Variants in SPG11 observed in about 807,000 individuals in gnomAD.
SPG11 encodes the protein SPG11 vesicle trafficking associated, spatacsin, also known as spatacsin.
A neutral mutation model predicts 274.0 loss-of-function variants in SPG11; 222 were observed. The ratio of observed to expected loss-of-function variants is 0.81; its 90% CI spans 0.73 to 0.91. The LOEUF (loss-of-function observed/expected upper bound fraction) is 0.91. SPG11 is among the 40% of genes least tolerant of loss of function. The pLI is 0.00. For missense variants in SPG11, 3,114 were observed against 2,872.7 expected, an observed-to-expected ratio of 1.08 and a Z score of -1.92; for synonymous variants, 1,144 against 1,039.7, an observed-to-expected ratio of 1.10 and a Z score of -1.93.
intron 8 of SPG11, among the ~76,000 whole-genome samples, chr15:44,630,213 T>C (rs1295667721): frequency 6.6e-6 from 1 of 152,198 alleles, no homozygotes; most frequent in African/African-American, 2.4e-5. Context: ...GTGATTCCTG[T>C]TTGTCTCAGC....
At chr15:44,651,470 T>G (rs1468657544) in intron 6 of SPG11, 21 bp downstream of exon 6, 17 of 1,603,756 alleles carry the variant, frequency 1.1e-5, no homozygotes, top group Non-Finnish European at 1.4e-5. Context: ...TGGATTTCAA[T>G]CTAATACAAG....
chr15:44,659,577 G>A (rs984861021), intron 2 of SPG11, among the ~76,000 whole-genome samples: 1 of 151,978 alleles, frequency 6.6e-6, no homozygotes, highest in African/African-American at 2.4e-5. Flanking sequence ...TTACCCATGG[G>A]ACCCCATAAG....
intron 23 of SPG11, among the ~76,000 whole-genome samples, chr15:44,597,805 G>A (rs1251301703): frequency 3.9e-5 from 6 of 152,110 alleles, no homozygotes; most frequent in Non-Finnish European, 8.8e-5. Context: ...TTTTACATAC[G>A]GTCACTTCAG....
chr15:44,608,854 T>C (rs1356959676), intron 18 of SPG11, among the ~76,000 whole-genome samples: 1 of 152,146 alleles, frequency 6.6e-6, no homozygotes, highest in African/African-American at 2.4e-5. Context: ...GAAGTTCAGC[T>C]AGATCAGTGA....
chr15:44,649,894 C>CA lies in SPG11; in HGVS notation c.1457-884dup, dbSNP rs79848684. On this transcript the variant is annotated intron_variant, in intron 6 of 39. Coordinates refer to ENST00000261866, the MANE Select transcript of SPG11 (RefSeq NM_025137.4). ...GGGAGACAAGAGTGAGACTCCATATCAAAAAAAAAAAAAAGCACTAAACCC... is the reference window on the plus strand; with the variant it reads ...GGGAGACAAGAGTGAGACTCCATATCAAAAAAAAAAAAAAAGCACTAAACCC... 7.5e-3 allele frequency among the ~76,000 whole-genome samples: 904 copies of CA among 119,826 alleles called. 25 individuals carry two copies. The East Asian group carries it at 0.11, about 14-fold the overall frequency. The allele number at this position is 119,826 out of a possible 152,430, so 78.6% of individuals were successfully genotyped here. A position where few individuals can be genotyped will look rare whatever the true frequency, so the allele number is the denominator to read the frequency against.
Position 44,584,475 on chromosome 15 carries a change from A to T in SPG11, c.5205T>A (p.His1735Gln). Residue 1735 changes from histidine (H) to glutamine (Q), a missense_variant, in exon 30 of 40, where the codon CAT (histidine) becomes CAA (glutamine). His to Gln is a conservative substitution (Grantham distance 24, BLOSUM62 0). Transcript: ENST00000261866. ...AAATTGAATTTTTCTTAAAATTCTC[A>T]TGGCATTTTTTCCAGAAGTCAATTC... ...QARIDFWKKC[H>Q]ENFKKNSISS... The T allele has an allele frequency of 1.9e-6, 3 of 1,614,216 alleles. No individual in the cohort carries two copies. Among genetic ancestry groups the T allele is most frequent in the Non-Finnish European group, 2.5e-6 (3 of 1,180,036 alleles).
intron 37 of SPG11, 51 bp from the exon 38 acceptor site, chr15:44,566,060 T>A (rs538179773): frequency 5.6e-6 from 9 of 1,609,646 alleles, no homozygotes; most frequent in Non-Finnish European, 7.6e-6. Context: ...AGTTGTCACC[T>A]CCTGTGTGAA....
rs374899647 is a variant in SPG11 at position 44,621,953 on chromosome 15, A to ATT, written c.2445-21_2445-20dup. On this transcript the variant is annotated intron_variant, in intron 13 of 39. Transcript: ENST00000261866. The stretch of plus-strand genomic sequence containing the variant: ...CCAGTACCTAAAAACAGTGATATAA[A>ATT]TTTTTTTTTTTTTAATTTTGGAGAA... 4.0e-5 allele frequency: 49 copies of ATT among 1,209,948 alleles called. No homozygotes were observed. Among genetic ancestry groups the ATT allele is most frequent in the Admixed American group, 6.6e-5 (3 of 45,728 alleles). The allele number at this position is 1,209,948 out of a possible 1,614,324, so 75.0% of individuals were successfully genotyped here. A position where few individuals can be genotyped will look rare whatever the true frequency, so the allele number is the denominator to read the frequency against.
chr15:44,652,274 T>TAA lies in SPG11; in HGVS notation c.870-10_870-9dup, dbSNP rs2084805782. The TAA allele has an allele frequency of 6.2e-7, 1 of 1,613,792 alleles. No homozygotes were observed. On this transcript the variant is annotated splice_polypyrimidine_tract_variant and intron_variant, in intron 4 of 39. Transcript: ENST00000261866. ...AGGTGTCCTGGGTGTTGCCTACATT[T>TAA]AAAAATAATGATAGACATATGAAAA... is the stretch of plus-strand genomic sequence containing the variant.
At chr15:44,570,825 C>G (rs1019853025) in intron 33 of SPG11, among the ~76,000 whole-genome samples, 167 bp from the exon 34 acceptor site, 1 of 152,354 alleles carries the variant, frequency 6.6e-6, no homozygotes, top group Non-Finnish European at 1.5e-5. Context: ...AGCTTTGAGA[C>G]AGCCCCTTGA....
chr15:44,633,550 C>A lies in SPG11; in HGVS notation c.1690G>T (p.Val564Leu). 1 of 1,610,790 alleles carries A rather than the reference C, an allele frequency of 6.2e-7. No homozygotes were observed. The highest frequency in any genetic ancestry group is 8.5e-7 in the Non-Finnish European group (1 of 1,177,516). Residue 564 changes from valine to leucine, a missense_variant, in exon 8 of 40, where the codon GTA (valine) becomes TTA (leucine). Physicochemically the swap from Val to Leu is conservative, Grantham distance 32 (BLOSUM62 1). Transcript: ENST00000261866. ...GACAAGTGATCAAACTGATCAGATA[C>A]AGAAGATTTTGAGGATGGATTAAAA... ...NLFNPSSKSS[V>L]SDQFDHLSSH...
At chr15:44,571,492 TTTTC>T (rs2082423349) in intron 33 of SPG11, among the ~76,000 whole-genome samples, 1 of 149,266 alleles carries the variant, frequency 6.7e-6, no homozygotes, top group African/African-American at 2.5e-5. Flanking sequence ...TTTAAATTTC[TTTTC>T]TTTTTTTTTT....
chr15:44,651,517 T>A lies in SPG11; in HGVS notation c.1430A>T (p.Asp477Val). 6.2e-7 allele frequency: 1 copy of A among 1,614,136 alleles called. No individual in the cohort carries two copies. The highest frequency in any genetic ancestry group is 8.5e-7 in the Non-Finnish European group (1 of 1,180,018). The change falls in exon 6 of 40, where the codon GAC becomes GTC. Residue 477 changes from aspartate to valine, a missense_variant. By Grantham distance (152) the Asp-to-Val change is radical (BLOSUM62 -3). Coordinates refer to ENST00000261866, the MANE Select transcript of SPG11 (RefSeq NM_025137.4). ...TGTCAAAACAAAGCACAGCTGCTGGTCTCCACTACTGTCTACAGGAATACA... is the reference window on the plus strand; with the variant it reads ...TGTCAAAACAAAGCACAGCTGCTGGACTCCACTACTGTCTACAGGAATACA... The part of the protein sequence containing the change: ...TKCIPVDSSG[D>V]QQLCFVLTEN...
chr15:44,641,920 C>CAAAAAAAAAAAAA (rs1567183864), intron 7 of SPG11, among the ~76,000 whole-genome samples: 1 of 25,424 alleles, frequency 3.9e-5, no homozygotes, highest in Non-Finnish European at 7.4e-5. Context: ...CACTGCTTAA[C>CAAAAAAAAAAAAA]AGAAAAAAAA....
At chr15:44,612,120 T>C (rs920845908) in intron 17 of SPG11, among the ~76,000 whole-genome samples, 3 of 152,152 alleles carry the variant, frequency 2.0e-5, no homozygotes, top group African/African-American at 7.2e-5. Flanking sequence ...AAAATGGTCA[T>C]TGTCTTTAAG....
intron 35 of SPG11, among the ~76,000 whole-genome samples, chr15:44,568,579 C>G (rs28447647): frequency 2.6e-5 from 4 of 152,222 alleles, no homozygotes; most frequent in Non-Finnish European, 4.4e-5. Flanking sequence ...GCTTGCAGAG[C>G]CCAAGACTTA....
intron 23 of SPG11, chr15:44,597,149 T>C (rs1291387455): frequency 2.0e-6 from 1 of 490,590 alleles, no homozygotes; most frequent in Non-Finnish European, 3.6e-6. Context: ...GTTTCGCTCT[T>C]GTTGCCTAGG....
At chr15:44,572,609 GT>G (rs1190969151) in intron 33 of SPG11, 73 bp downstream of exon 33, 3 of 1,545,862 alleles carry the variant, frequency 1.9e-6, no homozygotes, top group Non-Finnish European at 2.7e-6. Flanking sequence ...CCCAAATCAA[GT>G]TTTGGAGAGA....
chr15:44,605,860 T>A (rs2083304758), intron 20 of SPG11, among the ~76,000 whole-genome samples, 165 bp downstream of exon 20: 1 of 152,242 alleles, frequency 6.6e-6, no homozygotes, highest in Non-Finnish European at 1.5e-5. Context: ...CACTTTTAAC[T>A]CACAATATGT....
Sources: allele counts gnomAD v4.1 joint callset (sites outside exome capture counted in the v4.1 genomes callset), GRCh38; gene constraint gnomAD v4.1.1; transcripts MANE v1.5; gene names NCBI Gene and HGNC (gene_info 2026-07-23, HGNC 2026-07-21).